Variants in TRAPPC9 observed in about 807,000 individuals in gnomAD.
The protein encoded by TRAPPC9 is IKK2 binding protein.
A neutral mutation model predicts 124.0 loss-of-function variants in TRAPPC9; 83 were observed. That is an observed-to-expected ratio of 0.67 (90% CI 0.56 to 0.80). The LOEUF is 0.80. Ranked by LOEUF, TRAPPC9 falls within the 30% of genes least tolerant of loss-of-function variation. The pLI is 0.00. For synonymous variants in TRAPPC9, 638 were observed against 617.5 expected (o/e 1.03, Z -0.49); for missense variants, 1,302 against 1,508.3 (o/e 0.86, Z 2.27).
At chr8:140,221,706 C>T (rs889706269) in intron 16 of TRAPPC9, 123 bp from the exon 17 acceptor site, 7 of 1,307,832 alleles carry the variant, frequency 5.4e-6, no homozygotes, top group East Asian at 2.7e-5. Flanking sequence ...GGTGCAATCT[C>T]TGCTCACTGC....
At chr8:139,780,637 A>G (rs1484352986) in intron 21 of TRAPPC9, among the ~76,000 whole-genome samples, 1 of 152,208 alleles carries the variant, frequency 6.6e-6, no homozygotes, top group Non-Finnish European at 1.5e-5. Flanking sequence ...TTTTACATAC[A>G]ACACCAAAGG....
intron 21 of TRAPPC9, among the ~76,000 whole-genome samples, chr8:139,748,174 G>A (rs1210608389): frequency 3.7e-4 from 25 of 66,752 alleles, no homozygotes; most frequent in Non-Finnish European, 5.9e-4. Context: ...GGGTGTGGGG[G>A]TGTCCCGGGG....
chr8:140,161,871 C>T (rs921048638), intron 17 of TRAPPC9, among the ~76,000 whole-genome samples: 1 of 152,086 alleles, frequency 6.6e-6, no homozygotes, highest in African/African-American at 2.4e-5. Flanking sequence ...AGCAGGCCAC[C>T]AGGATACCCA....
chr8:139,885,546 A>T (rs1047066239), intron 21 of TRAPPC9, among the ~76,000 whole-genome samples: 40 of 152,128 alleles, frequency 2.6e-4, no homozygotes, highest in African/African-American at 9.4e-4. Flanking sequence ...GTCAATTGCC[A>T]TTTCGGAAGA....
chr8:140,194,065 C>T (rs2062571052), intron 17 of TRAPPC9, among the ~76,000 whole-genome samples: 1 of 152,168 alleles, frequency 6.6e-6, no homozygotes, highest in Admixed American at 6.5e-5. Flanking sequence ...AACCCTAGCG[C>T]TCCCAGGGTT....
intron 9 of TRAPPC9, among the ~76,000 whole-genome samples, chr8:140,343,720 C>T (rs1248965372): frequency 6.6e-6 from 1 of 152,178 alleles, no homozygotes; most frequent in Non-Finnish European, 1.5e-5. Flanking sequence ...TCCTGGCCTC[C>T]CCGGGGTCCC....
chr8:139,931,564 A>C (rs1833142669), intron 19 of TRAPPC9: 1 of 152,252 alleles, frequency 6.6e-6, no homozygotes. Context: ...GGTCACACAA[A>C]GCTTTGGACC....
intron 17 of TRAPPC9, among the ~76,000 whole-genome samples, chr8:140,122,456 CTA>C (rs1352812706): frequency 6.6e-6 from 1 of 152,192 alleles, no homozygotes; most frequent in Admixed American, 6.5e-5. Flanking sequence ...CAATAGATAA[CTA>C]TTGCATATAG....
chr8:139,951,038 C>T (rs963663385), intron 19 of TRAPPC9, among the ~76,000 whole-genome samples: 8 of 152,302 alleles, frequency 5.3e-5, no homozygotes, highest in Middle Eastern at 3.4e-3. Context: ...CAGACCCAGG[C>T]GCGCACATCC....
intron 21 of TRAPPC9, among the ~76,000 whole-genome samples, chr8:139,784,753 C>T (rs1822105792): frequency 6.6e-6 from 1 of 151,362 alleles, no homozygotes. Flanking sequence ...CTGAATCTGA[C>T]AGAAGGCGTG....
chr8:140,354,427 T>TA (rs985977410), intron 9 of TRAPPC9, among the ~76,000 whole-genome samples: 3 of 152,184 alleles, frequency 2.0e-5, no homozygotes, highest in African/African-American at 7.2e-5. Flanking sequence ...CATCATCTTG[T>TA]AAAAAATGAC....
At chr8:140,169,753 G>A (rs1051592869) in intron 17 of TRAPPC9, among the ~76,000 whole-genome samples, 5 of 152,292 alleles carry the variant, frequency 3.3e-5, no homozygotes, top group Admixed American at 6.5e-5. Flanking sequence ...TTTCAGAGCC[G>A]GGGTCGGGAG....
chr8:140,410,074 A>C (rs2069641119), intron 5 of TRAPPC9, among the ~76,000 whole-genome samples: 1 of 148,054 alleles, frequency 6.8e-6, no homozygotes, highest in Admixed American at 6.8e-5. Context: ...CCAGAAGGCC[A>C]AGGCTGCAGT....
At chr8:139,903,031 AAG>A (rs1831119144) in intron 20 of TRAPPC9, among the ~76,000 whole-genome samples, 1 of 152,150 alleles carries the variant, frequency 6.6e-6, no homozygotes, top group Non-Finnish European at 1.5e-5. Context: ...TGTTGTCTGC[AAG>A]ATCCAACACC....
intron 5 of TRAPPC9, among the ~76,000 whole-genome samples, chr8:140,411,580 G>A (rs1214666341): frequency 6.6e-6 from 1 of 152,180 alleles, no homozygotes; most frequent in Non-Finnish European, 1.5e-5. Context: ...GACTTCAGGT[G>A]ATCTGCCTGC....
At chr8:140,258,885 C>T (rs925049601) in intron 15 of TRAPPC9, among the ~76,000 whole-genome samples, 4 of 152,226 alleles carry the variant, frequency 2.6e-5, no homozygotes, top group African/African-American at 9.6e-5. Context: ...TGGCCAACCT[C>T]CCCGTGAACC....
chr8:140,319,554 C>T (rs1247274653), intron 9 of TRAPPC9, among the ~76,000 whole-genome samples: 1 of 152,030 alleles, frequency 6.6e-6, no homozygotes, highest in Non-Finnish European at 1.5e-5. Flanking sequence ...GCAACCTCCA[C>T]CTCCCAGGCT....
intron 9 of TRAPPC9, among the ~76,000 whole-genome samples, chr8:140,358,767 G>A (rs765477401): frequency 1.4e-4 from 21 of 152,212 alleles, no homozygotes; most frequent in Non-Finnish European, 4.4e-5. Context: ...GCAGTAATGA[G>A]TCGCCCAGAC....
intron 17 of TRAPPC9, among the ~76,000 whole-genome samples, chr8:140,055,570 G>C (rs969286685): frequency 2.0e-5 from 3 of 152,156 alleles, no homozygotes; most frequent in Admixed American, 6.5e-5. Flanking sequence ...AATCAGAAGA[G>C]ATGTAAAATT....
Sources: gnomAD v4.1 joint callset for allele counts (sites outside exome capture counted in the v4.1 genomes callset) on GRCh38, gnomAD v4.1.1 for gene constraint, MANE v1.5 for transcripts, NCBI Gene and HGNC (gene_info 2026-07-23, HGNC 2026-07-21) for gene names.